The following TRPM6 variants were observed in gnomAD, a reference collection of about 807,000 sequenced individuals.
TRPM6 encodes the protein transient receptor potential cation channel subfamily M member 6, also known as channel kinase 2.
TRPM6 carries 111 observed loss-of-function variants against 247.6 expected under a neutral mutation model. The observed-to-expected ratio is 0.45, with a 90% CI of 0.38 to 0.52. TRPM6 has a LOEUF of 0.52. Among genes scored for constraint, TRPM6 ranks in the 20% least tolerant of loss-of-function variants. TRPM6 has a pLI of 0.00. For synonymous variants in TRPM6, 892 were observed against 853.8 expected (o/e 1.04, Z -0.78); for missense variants, 2,126 against 2,421.5 (o/e 0.88, Z 2.56).
intron 3 of TRPM6, among the ~76,000 whole-genome samples, chr9:74,853,590 T>C (rs933832206): frequency 2.6e-5 from 4 of 152,192 alleles, no homozygotes; most frequent in Non-Finnish European, 4.4e-5. Context: ...ACATGTGCTG[T>C]GTCCACTCAG....
At chr9:74,751,598 G>A (rs1397854769) in intron 29 of TRPM6, among the ~76,000 whole-genome samples, 1 of 152,224 alleles carries the variant, frequency 6.6e-6, no homozygotes, top group African/African-American at 2.4e-5. Flanking sequence ...CTTGGGTTAA[G>A]CTAACTATTC....
chr9:74,788,989 G>A, intron 19 of TRPM6, among the ~76,000 whole-genome samples: 1 of 152,192 alleles, frequency 6.6e-6, no homozygotes, highest in Non-Finnish European at 1.5e-5. Flanking sequence ...GACACATTGT[G>A]CCTTTCTGCT....
At chr9:74,748,805 A>G (rs1343207604) in intron 30 of TRPM6, among the ~76,000 whole-genome samples, 1 of 152,216 alleles carries the variant, frequency 6.6e-6, no homozygotes, top group Non-Finnish European at 1.5e-5. Context: ...TATTTTAAAA[A>G]GAAAAAAATT....
At chr9:74,811,036 G>T (rs995239971) in intron 12 of TRPM6, among the ~76,000 whole-genome samples, 168 bp from the exon 13 acceptor site, 2 of 152,154 alleles carry the variant, frequency 1.3e-5, no homozygotes, top group East Asian at 1.9e-4. Flanking sequence ...TTTTCCAAGA[G>T]AAGATGTATT....
At chr9:74,814,160 G>C (rs756177638) in intron 11 of TRPM6, among the ~76,000 whole-genome samples, 7 of 152,126 alleles carry the variant, frequency 4.6e-5, no homozygotes, top group Non-Finnish European at 1.0e-4. Flanking sequence ...TGCAATCAGG[G>C]AGCAAGTTTG....
chr9:74,752,246 C>T (rs1250167451), intron 29 of TRPM6, 31 bp downstream of exon 29: 13 of 1,179,354 alleles, frequency 1.1e-5, no homozygotes, highest in Admixed American at 4.2e-5. Flanking sequence ...TGCTCGAATG[C>T]TTTTTTTTTT....
Position 74,778,633 on chromosome 9 carries a change from G to T in TRPM6, c.3210-2557C>A, listed in dbSNP as rs1205399192. ...TTTGCAGGAGATCTGCAGGTACCAG[G>T]AGCCCATACTTATCACTTCTTTCAG... On this transcript the variant is annotated intron_variant, in intron 23 of 38. Coordinates refer to ENST00000360774, the MANE Select transcript of TRPM6 (RefSeq NM_017662.5). Among the ~76,000 whole-genome samples the T allele has an allele frequency of 5.9e-5, 9 of 152,296 alleles. No homozygotes were observed. The East Asian group carries it at 1.7e-3, about 29-fold the overall frequency.
intron 3 of TRPM6, among the ~76,000 whole-genome samples, chr9:74,846,110 T>G (rs1816067928): frequency 6.6e-6 from 1 of 152,208 alleles, no homozygotes; most frequent in Non-Finnish European, 1.5e-5. Context: ...AATAATTGAG[T>G]ACAGTTCCTA....
rs777600421 is a variant in TRPM6 at position 74,802,129 on chromosome 9, T to C, written c.1778A>G (p.Gln593Arg). Residue 593 changes from glutamine to arginine, a missense_variant, in exon 16 of 39, where the codon CAA becomes CGA. Gln to Arg is a conservative substitution (Grantham distance 43). Coordinates refer to ENST00000360774, the MANE Select transcript of TRPM6 (RefSeq NM_017662.5). ...LHKSRKKSKE[Q>R]NVSDDPESTG... ...AGACTCAGGGTCATCTGATACATTT[T>C]GTTCTTTTGACTTCTTCCTTGATTT... is the stretch of plus-strand genomic sequence containing the variant. The C allele has an allele frequency of 1.5e-5, 25 of 1,614,188 alleles. No individual in the cohort carries two copies. The highest frequency in any genetic ancestry group is 2.0e-5 in the Non-Finnish European group (24 of 1,180,014).
intron 1 of TRPM6, among the ~76,000 whole-genome samples, chr9:74,881,086 G>A (rs1831347601): frequency 1.3e-5 from 2 of 152,086 alleles, no homozygotes; most frequent in Admixed American, 1.3e-4. Context: ...CTTGAGGCCA[G>A]GAGTTCAAGA....
At position 74,834,046 on chromosome 9, in the gene TRPM6, G is replaced by A. The variant is rs749287479; in HGVS notation, c.621C>T (p.Ile207=). 11 of 1,613,986 alleles carry A rather than the reference G, an allele frequency of 6.8e-6. No individual in the cohort carries two copies. The highest frequency in any genetic ancestry group is 8.5e-6 in the Non-Finnish European group (10 of 1,179,988). Residue 207 remains isoleucine (I), a synonymous_variant, in exon 6 of 39, where the codon ATC becomes ATT. Transcript: ENST00000360774. ...GGTTCTCAATGACACCCCAAGGAGG[G>A]ATTCCAACTGTCCAGATTTTTCTCA... ...HSLRKIWTVG[I]PPWGVIENQR...
intron 20 of TRPM6, among the ~76,000 whole-genome samples, chr9:74,786,547 T>C (rs1191496078): frequency 6.6e-6 from 1 of 151,600 alleles, no homozygotes; most frequent in Admixed American, 6.6e-5. Context: ...GAGATCATCC[T>C]GGCTAAAACG....
intron 21 of TRPM6, among the ~76,000 whole-genome samples, chr9:74,784,320 G>A (rs113078088): frequency 0.012 from 1,766 of 151,846 alleles, 21 homozygotes; most frequent in Non-Finnish European, 0.018. Flanking sequence ...ACAACTGTAC[G>A]GCAAGCTCAG....
chr9:74,777,404 T>C (rs1377757628), intron 23 of TRPM6, among the ~76,000 whole-genome samples: 1 of 152,182 alleles, frequency 6.6e-6, no homozygotes, highest in Non-Finnish European at 1.5e-5. Flanking sequence ...AGTGTGTTCA[T>C]CTCTAACGTG....
At chr9:74,774,677 A>G (rs1432796118) in intron 24 of TRPM6, among the ~76,000 whole-genome samples, 1 of 152,188 alleles carries the variant, frequency 6.6e-6, no homozygotes, top group Non-Finnish European at 1.5e-5. Flanking sequence ...AGAGTATTTT[A>G]GAATTCAGAA....
At chr9:74,859,746 C>A (rs1439023911) in intron 1 of TRPM6, among the ~76,000 whole-genome samples, 1 of 150,850 alleles carries the variant, frequency 6.6e-6, no homozygotes, top group East Asian at 1.9e-4. Flanking sequence ...TGCACTCTGG[C>A]CTGGGTGGCA....
intron 7 of TRPM6, among the ~76,000 whole-genome samples, chr9:74,823,835 C>T (rs558524504): frequency 3.3e-5 from 5 of 152,060 alleles, no homozygotes; most frequent in African/African-American, 1.2e-4. Flanking sequence ...GAAATAGGAC[C>T]GTGTTTAGTG....
At chr9:74,876,072 G>T (rs867017860) in intron 1 of TRPM6, among the ~76,000 whole-genome samples, 1 of 152,016 alleles carries the variant, frequency 6.6e-6, no homozygotes. Context: ...TAACTGCAGG[G>T]TAACAATTTA....
chr9:74,792,451 C>G lies in TRPM6; in HGVS notation c.2538+173G>C, dbSNP rs184066579. On this transcript the variant is annotated intron_variant, in intron 19 of 38. Transcript: ENST00000360774. ...AAAAAGTAGGTGAGCTCCACCCTAA[C>G]TTCTCCCTGCCTTCCTCCAGTCCTC... Among the ~76,000 whole-genome samples the G allele has an allele frequency of 6.2e-4, 94 of 152,328 alleles. 1 individual carries two copies. Among genetic ancestry groups the G allele is most frequent in the Non-Finnish European group, 3.4e-4 (23 of 68,032 alleles).
Sources: gnomAD v4.1 joint callset for allele counts (sites outside exome capture counted in the v4.1 genomes callset) on GRCh38, gnomAD v4.1.1 for gene constraint, MANE v1.5 for transcripts, NCBI Gene and HGNC (gene_info 2026-07-23, HGNC 2026-07-21) for gene names.